The following PID1 variants were observed in gnomAD, a reference collection of about 807,000 sequenced individuals.
PID1 encodes phosphotyrosine interaction domain containing 1.
A neutral mutation model predicts 19.1 loss-of-function variants in PID1; 10 were observed. The ratio of observed to expected loss-of-function variants is 0.52; its 90% CI spans 0.32 to 0.89. The LOEUF (loss-of-function observed/expected upper bound fraction) is 0.89. PID1 is among the 40% of genes least tolerant of loss of function. PID1 has a pLI of 0.03. For missense variants in PID1, 248 were observed against 285.3 expected, an observed-to-expected ratio of 0.87 and a Z score of 0.94; for synonymous variants, 130 against 116.0, an observed-to-expected ratio of 1.12 and a Z score of -0.78.
Position 229,025,318 on chromosome 2 carries a change from G to A in PID1, c.*314C>T. ...AATAACAGCTGCAGAGTATTTGCCT[G>A]AGCGTGGTGAAAACTGGCATGGAGC... is the stretch of plus-strand genomic sequence containing the variant. On this transcript the variant is annotated 3_prime_UTR_variant, in exon 3 of 3. Transcript: ENST00000392055. 3.0e-6 allele frequency: 1 copy of A among 334,586 alleles called. No homozygotes were observed. Among genetic ancestry groups the A allele is most frequent in the Non-Finnish European group, 5.6e-6 (1 of 177,818 alleles). The allele number at this position is 334,586 out of a possible 1,614,324, so 20.7% of individuals were successfully genotyped here.
chr2:229,217,312 C>T (rs1691868633), intron 1 of PID1, among the ~76,000 whole-genome samples: 1 of 152,288 alleles, frequency 6.6e-6, no homozygotes, highest in South Asian at 2.1e-4. Context: ...ATATGAAGCT[C>T]AGCTGCTTAG....
intron 2 of PID1, among the ~76,000 whole-genome samples, chr2:229,093,453 C>T (rs1453465269): frequency 6.6e-6 from 1 of 151,668 alleles, no homozygotes; most frequent in East Asian, 1.9e-4. Flanking sequence ...CTCCAATCCT[C>T]CTTGTATCAG....
rs376773494 is a variant in PID1 at position 229,124,703 on chromosome 2, T to C, written c.177+31115A>G. ...AAAAAAAAAACTTTAAGTCAAAATT[T>C]AGTCTGAACTCTATTCAATTTATTT... On this transcript the variant is annotated intron_variant, in intron 2 of 2. Transcript: ENST00000392055. Among the ~76,000 whole-genome samples, 13 of 152,296 alleles carry C rather than the reference T, an allele frequency of 8.5e-5. No homozygotes were observed. The East Asian group carries it at 1.7e-3, about 20-fold the overall frequency.
At chr2:229,085,849 G>A (rs1022058205) in intron 2 of PID1, among the ~76,000 whole-genome samples, 3 of 151,970 alleles carry the variant, frequency 2.0e-5, no homozygotes, top group Non-Finnish European at 2.9e-5. Flanking sequence ...TGAAACTGCT[G>A]GGAGCATGAG....
chr2:229,047,748 T>C (rs934691886), intron 2 of PID1, among the ~76,000 whole-genome samples: 10 of 152,182 alleles, frequency 6.6e-5, no homozygotes, highest in Non-Finnish European at 1.5e-4. Context: ...TGTCCGGTGA[T>C]TCACAGGCAG....
At chr2:229,036,465 T>C (rs965171534) in intron 2 of PID1, among the ~76,000 whole-genome samples, 20 of 152,024 alleles carry the variant, frequency 1.3e-4, no homozygotes, top group Non-Finnish European at 4.4e-5. Context: ...TAAAAGTAGA[T>C]CTAGGCCAGG....
chr2:229,201,526 T>C (rs79092641), intron 1 of PID1, among the ~76,000 whole-genome samples: 2,777 of 152,212 alleles, frequency 0.018, 47 homozygotes, highest in African/African-American at 0.051. Flanking sequence ...CTTTCACCTG[T>C]CAATGGACAC....
chr2:229,154,462 TC>T (rs1437030042), intron 2 of PID1, among the ~76,000 whole-genome samples: 2 of 152,150 alleles, frequency 1.3e-5, no homozygotes, highest in African/African-American at 4.8e-5. Flanking sequence ...CTAGATTTTC[TC>T]CTCCCATGCC....
At chr2:229,034,374 AT>A (rs1693617288) in intron 2 of PID1, among the ~76,000 whole-genome samples, 1 of 152,174 alleles carries the variant, frequency 6.6e-6, no homozygotes, top group Admixed American at 6.5e-5. Flanking sequence ...TCCATAAGGT[AT>A]GTACTAGCTG....
intron 1 of PID1, among the ~76,000 whole-genome samples, chr2:229,245,839 C>T (rs537178289): frequency 4.7e-4 from 72 of 152,124 alleles, no homozygotes; most frequent in South Asian, 4.6e-3. Context: ...TGAAAATTTC[C>T]CAATTCCTAG....
chr2:229,237,552 A>T (rs570092513), intron 1 of PID1, among the ~76,000 whole-genome samples: 13 of 152,328 alleles, frequency 8.5e-5, no homozygotes, highest in Admixed American at 2.0e-4. Flanking sequence ...CCAAGTGCAA[A>T]GCTGTTCACT....
intron 2 of PID1, among the ~76,000 whole-genome samples, chr2:229,054,716 GTGT>G (rs1394150000): frequency 2.8e-3 from 123 of 43,692 alleles, no homozygotes; most frequent in Non-Finnish European, 3.8e-3. Context: ...GTGTGTGTGT[GTGT>G]GGGGGGGGGG....
At chr2:229,174,864 T>A (rs545430153) in intron 1 of PID1, among the ~76,000 whole-genome samples, 9 of 152,342 alleles carry the variant, frequency 5.9e-5, no homozygotes, top group Non-Finnish European at 8.8e-5. Context: ...TGATTGCAAC[T>A]TCTTTGATAC....
intron 1 of PID1, among the ~76,000 whole-genome samples, chr2:229,164,142 C>T (rs1012307961): frequency 6.6e-6 from 1 of 152,150 alleles, no homozygotes; most frequent in East Asian, 1.9e-4. Context: ...CCAACTTTCT[C>T]GTTTATACTA....
At chr2:229,033,065 G>T (rs913526916) in intron 2 of PID1, among the ~76,000 whole-genome samples, 1 of 152,110 alleles carries the variant, frequency 6.6e-6, no homozygotes, top group Non-Finnish European at 1.5e-5. Context: ...TTGGTTGCCC[G>T]ACATTTATCC....
Position 229,139,130 on chromosome 2 carries a change from A to C in PID1, c.177+16688T>G, listed in dbSNP as rs189474363. ...AAGAAAGAAAGAGAAAGAAAGAAAGAAAGAAAGAAAGAAAGAAAGCAAGCG... is the reference window on the plus strand; with the variant it reads ...AAGAAAGAAAGAGAAAGAAAGAAAGCAAGAAAGAAAGAAAGAAAGCAAGCG... On this transcript the variant is annotated intron_variant, in intron 2 of 2. Coordinates refer to ENST00000392055, the MANE Select transcript of PID1 (RefSeq NM_001100818.2). Among the ~76,000 whole-genome samples, 917 of 116,102 alleles carry C rather than the reference A, an allele frequency of 7.9e-3. 38 individuals carry two copies. Among genetic ancestry groups the C allele is most frequent in the East Asian group, 0.026 (80 of 3,108 alleles). 76.2% of individuals were successfully genotyped at this position (116,102 alleles called of 152,430 possible). A position where few individuals can be genotyped will look rare whatever the true frequency, so the allele number is the denominator to read the frequency against.
intron 2 of PID1, among the ~76,000 whole-genome samples, chr2:229,061,457 T>G (rs1204927060): frequency 6.6e-6 from 1 of 152,048 alleles, no homozygotes; most frequent in Non-Finnish European, 1.5e-5. Context: ...TTTGTTCCAT[T>G]AGCCAATGTA....
chr2:229,251,906 C>T (rs1690160552), intron 1 of PID1, among the ~76,000 whole-genome samples: 2 of 138,300 alleles, frequency 1.4e-5, no homozygotes, highest in Non-Finnish European at 3.0e-5. Flanking sequence ...GTTTTGATGG[C>T]CATCTAATGC....
intron 2 of PID1, among the ~76,000 whole-genome samples, chr2:229,070,863 T>C (rs1559219824): frequency 6.6e-6 from 1 of 152,204 alleles, no homozygotes; most frequent in Admixed American, 6.5e-5. Context: ...CAGATGTGGA[T>C]AGAAGACTTA....
Sources: gnomAD v4.1 joint callset for allele counts (sites outside exome capture counted in the v4.1 genomes callset) on GRCh38, gnomAD v4.1.1 for gene constraint, MANE v1.5 for transcripts, NCBI Gene and HGNC (gene_info 2026-07-23, HGNC 2026-07-21) for gene names.